Variants in PCED1A observed in about 807,000 individuals in gnomAD.
The protein encoded by PCED1A is PC-esterase domain-containing protein 1A.
Under a neutral mutation model 41.9 loss-of-function variants are expected in PCED1A, and 20 were observed. The observed-to-expected ratio is 0.48, with a 90% confidence interval of 0.34 to 0.69. PCED1A has a LOEUF of 0.69. Among genes scored for constraint, PCED1A ranks in the 30% least tolerant of loss-of-function variants. PCED1A has a pLI of 0.01. For missense variants in PCED1A, 498 were observed against 602.1 expected, an observed-to-expected ratio of 0.83 and a Z score of 1.81; for synonymous variants, 236 against 241.3, an observed-to-expected ratio of 0.98 and a Z score of 0.20.
chr20:2,838,359 T>A lies in PCED1A; in HGVS notation c.714A>T (p.Ala238=), dbSNP rs536108332. ...CACCATCCCGATGACGGTGCTGTACTGCATGCCGGAAGTGAAAGTGGAGGT... is the reference window on the plus strand; with the variant it reads ...CACCATCCCGATGACGGTGCTGTACAGCATGCCGGAAGTGAAAGTGGAGGT... ...VLDLHFHFRH[A]VQHRHRDGVH... is the part of the protein sequence containing the mutation. Residue 238 remains alanine (A), a synonymous_variant, in exon 6 of 8, where the codon GCA becomes GCT. Transcript: ENST00000360652. This position sits in a 1 kb window ranked among gnomAD's most constrained non-coding sequence, Gnocchi z 5.8. The A allele has an allele frequency of 2.5e-6, 4 of 1,614,250 alleles. No homozygotes were observed. The South Asian group carries it at 4.4e-5, about 18-fold the overall frequency.
At chr20:2,839,295 G>A in intron 2 of PCED1A, 24 bp from the exon 3 acceptor site, 2 of 1,610,426 alleles carry the variant, frequency 1.2e-6, no homozygotes, top group Non-Finnish European at 1.7e-6. Context: ...GAGATCCCAA[G>A]GCTGAGGCAG....
At position 2,839,637 on chromosome 20, in the gene PCED1A, G is replaced by A. The variant is rs1419977921; in HGVS notation, c.124+152C>T. 5.2e-6 allele frequency: 6 copies of A among 1,151,106 alleles called. No homozygotes were observed. The Admixed American group carries it at 1.0e-4, about 19-fold the overall frequency. The allele number at this position is 1,151,106 out of a possible 1,614,324, so 71.3% of individuals were successfully genotyped here. A position where few individuals can be genotyped will look rare whatever the true frequency, so the allele number is the denominator to read the frequency against. On this transcript the variant is annotated intron_variant, in intron 2 of 7. Transcript: ENST00000360652. ...TTATTACACCTGTCAGGACTCCTGT[G>A]GAAGATGTGTGGGACATAAAAAGAG...
At position 2,838,983 on chromosome 20, in the gene PCED1A, C is replaced by A. The variant is rs760216654; in HGVS notation, c.304G>T (p.Gly102Cys). 1 of 1,613,944 alleles carries A rather than the reference C, an allele frequency of 6.2e-7. No individual in the cohort carries two copies. The change falls in exon 4 of 8, where the codon GGC (glycine) becomes TGC (cysteine). Residue 102 changes from glycine (G) to cysteine (C), a missense_variant. This residue lies in a region of PCED1A where 253 missense variants were observed against 369.7 expected (regional missense o/e 0.68). Coordinates refer to ENST00000360652, the MANE Select transcript of PCED1A (RefSeq NM_022760.6). This position sits in a 1 kb window ranked among gnomAD's most constrained non-coding sequence, Gnocchi z 5.8. ...AAGCGCACAAGGTGGTGGCCAGAGC[C>A]CGAGCAGAACTGGCGGACCTCACGA... is the stretch of plus-strand genomic sequence containing the variant. ...QYREVRQFCS[G>C]SGHHLVRFYF...
intron 6 of PCED1A, among the ~76,000 whole-genome samples, chr20:2,837,744 T>C (rs1037110835): frequency 6.6e-6 from 1 of 152,130 alleles, no homozygotes; most frequent in Non-Finnish European, 1.5e-5. Flanking sequence ...AAGAAGCCTA[T>C]GGAACACTGT....
In PCED1A at chr20:2,838,087, G is replaced by A. The variant is rs1396768521; in HGVS notation, c.841+145C>T. 2 of 1,164,420 alleles carry A rather than the reference G, an allele frequency of 1.7e-6. No homozygotes were observed. The highest frequency in any genetic ancestry group is 1.5e-5 in the African/African-American group (1 of 65,830). The allele number at this position is 1,164,420 out of a possible 1,614,324, so 72.1% of individuals were successfully genotyped here. The stretch of plus-strand genomic sequence containing the variant: ...CTCCGATGATCTAACCCTCCTCAGG[G>A]GTTGAGGAAGGTGCATGCAGAAGCC... On this transcript the variant is annotated intron_variant, in intron 6 of 7. Transcript: ENST00000360652. The surrounding 1 kb of genome is among the most constrained non-coding windows in gnomAD (Gnocchi z 5.8).
chr20:2,839,590 G>A (rs1452339488), intron 2 of PCED1A, among the ~76,000 whole-genome samples, 199 bp downstream of exon 2: 2 of 152,200 alleles, frequency 1.3e-5, no homozygotes, highest in South Asian at 2.1e-4. Flanking sequence ...GCTGAGCAAG[G>A]ATGGGCTAAA....
In PCED1A at chr20:2,838,232, C is replaced by G; in HGVS notation, c.841G>C (p.Asp281His). The G allele has an allele frequency of 1.2e-6, 2 of 1,614,080 alleles. No individual in the cohort carries two copies. Among genetic ancestry groups the G allele is most frequent in the Non-Finnish European group, 1.7e-6 (2 of 1,180,012 alleles). The change falls in exon 6 of 8, where the codon GAC (aspartate) becomes CAC (histidine). Residue 281 changes from aspartate to histidine, a missense_variant and splice_region_variant. Physicochemically the swap from Asp to His is moderately conservative, Grantham distance 81 (BLOSUM62 -1). Around this residue, in one of 2 missense-constraint regions of PCED1A, gnomAD observed 245 missense variants for 232.4 expected, o/e 1.05. Transcript: ENST00000360652. The surrounding 1 kb of genome is among the most constrained non-coding windows in gnomAD (Gnocchi z 5.8). ...CCCCCCCACTTATGGTAGGGCTCAC[C>G]AGGGGGATAGCCACGCTTGGGCAGC... ...VELPKRGYPPDPWIEDWAEMN... is the reference protein window; with the variant it reads ...VELPKRGYPPHPWIEDWAEMN...
At position 2,839,093 on chromosome 20, in the gene PCED1A, C is replaced by G. The variant is rs759165162; in HGVS notation, c.205-11G>C. The G allele has an allele frequency of 6.4e-7, 1 of 1,552,122 alleles. No individual in the cohort carries two copies. The highest frequency in any genetic ancestry group is 1.7e-5 in the Admixed American group (1 of 58,864). Reference sequence around the variant, plus strand: ...AAAGCTCAGCTCCCCCTACCCACCCCCCCCACCCTACTGGTCAGACCCATG... The same window carrying G: ...AAAGCTCAGCTCCCCCTACCCACCCGCCCCACCCTACTGGTCAGACCCATG... On this transcript the variant is annotated splice_polypyrimidine_tract_variant and intron_variant, in intron 3 of 7. Coordinates refer to ENST00000360652, the MANE Select transcript of PCED1A (RefSeq NM_022760.6).
Position 2,836,100 on chromosome 20 carries a change from GA to G in PCED1A, c.1055del (p.Phe352SerfsTer21). On this transcript the variant is annotated frameshift_variant, in exon 7 of 8. Coordinates refer to ENST00000360652, the MANE Select transcript of PCED1A (RefSeq NM_022760.6). LOFTEE classifies it high-confidence loss of function. ...QDTPFFPGQP[F>X]PPHEFFNYNP... ...TATAGTTGAAGAATTCATGGGGTGG[GA>G]AGGGCTGGCCTGGGAAAAAAGGGGT... The G allele has an allele frequency of 6.6e-7, 1 of 1,521,884 alleles. No homozygotes were observed. The highest frequency in any genetic ancestry group is 8.8e-7 in the Non-Finnish European group (1 of 1,131,454). The allele number at this position is 1,521,884 out of a possible 1,614,324, so 94.3% of individuals were successfully genotyped here. A position where few individuals can be genotyped will look rare whatever the true frequency, so the allele number is the denominator to read the frequency against.
rs1218364989 is a variant in PCED1A at position 2,838,221 on chromosome 20, G to A, written c.841+11C>T. The A allele has an allele frequency of 6.2e-7, 1 of 1,613,902 alleles. No homozygotes were observed. The highest frequency in any genetic ancestry group is 1.7e-5 in the Admixed American group (1 of 60,026). On this transcript the variant is annotated intron_variant, in intron 6 of 7. Transcript: ENST00000360652. This position sits in a 1 kb window ranked among gnomAD's most constrained non-coding sequence, Gnocchi z 5.8. The stretch of plus-strand genomic sequence containing the variant: ...GTGCATCACTACCCCCCCACTTATG[G>A]TAGGGCTCACCAGGGGGATAGCCAC...
rs1162852513 is a variant in PCED1A at position 2,840,238 on chromosome 20, C to T, written c.-49G>A. The T allele has an allele frequency of 1.1e-5, 3 of 262,526 alleles. No homozygotes were observed. The highest frequency in any genetic ancestry group is 2.3e-5 in the African/African-American group (1 of 44,262). 16.3% of individuals were successfully genotyped at this position (262,526 alleles called of 1,614,324 possible). A position where few individuals can be genotyped will look rare whatever the true frequency, so the allele number is the denominator to read the frequency against. On this transcript the variant is annotated 5_prime_UTR_variant, in exon 1 of 8. Transcript: ENST00000360652. ...AGTCCCGGGGCTCCGCGGTGTTCAC[C>T]CGCGACCCGGGTATGCCTGCGCACC...
In PCED1A at chr20:2,838,881, G is replaced by A. The variant is rs1287045157; in HGVS notation, c.406C>T (p.Leu136=). 6.2e-7 allele frequency: 1 copy of A among 1,614,162 alleles called. No homozygotes were observed. The highest frequency in any genetic ancestry group is 8.5e-7 in the Non-Finnish European group (1 of 1,180,036). ...EELTYGPAPD[L]VIINSCLWDL... ...CAGAGGCAGGAGTTGATGATCACCA[G>A]GTCCGGGGCAGGTCCATATGTCAGC... Residue 136 remains leucine, a synonymous_variant, in exon 4 of 8, where the codon CTG becomes TTG. Coordinates refer to ENST00000360652, the MANE Select transcript of PCED1A (RefSeq NM_022760.6). This position sits in a 1 kb window ranked among gnomAD's most constrained non-coding sequence, Gnocchi z 5.8.
chr20:2,839,814 C>T lies in PCED1A; in HGVS notation c.99G>A (p.Lys33=), dbSNP rs200166641. Residue 33 remains lysine, a synonymous_variant, in exon 2 of 8, where the codon AAG becomes AAA. Transcript: ENST00000360652. ...ASEVQQLLHN[K]FVVILGDSIQ... ...TGGAGTCCCCCAAGATGACCACGAA[C>T]TTGTTGTGTAGCAGCTGCTGGACTT... 93 of 1,614,102 alleles carry T rather than the reference C, an allele frequency of 5.8e-5. No homozygotes were observed. Among genetic ancestry groups the T allele is most frequent in the Non-Finnish European group, 7.4e-5 (87 of 1,180,042 alleles).
In PCED1A at chr20:2,838,201, T is replaced by C; in HGVS notation, c.841+31A>G. 6.2e-7 allele frequency: 1 copy of C among 1,613,086 alleles called. No individual in the cohort carries two copies. Among genetic ancestry groups the C allele is most frequent in the African/African-American group, 1.3e-5 (1 of 74,974 alleles). On this transcript the variant is annotated intron_variant, in intron 6 of 7. Transcript: ENST00000360652. The surrounding 1 kb of genome is among the most constrained non-coding windows in gnomAD (Gnocchi z 5.8). ...CCTGTCCTCTGAGGGCCCCAGTGCA[T>C]CACTACCCCCCCACTTATGGTAGGG...
At chr20:2,841,131 C>CT, upstream of PCED1A, 1 of 460,818 alleles carries the variant, frequency 2.2e-6, no homozygotes, top group East Asian at 4.3e-5. Flanking sequence ...AGTGCCCAGT[C>CT]TCCTGCCGGA....
chr20:2,837,208 A>G (rs2088849470), intron 6 of PCED1A, among the ~76,000 whole-genome samples: 1 of 152,168 alleles, frequency 6.6e-6, no homozygotes. Flanking sequence ...TCTAAACAAG[A>G]AAATGGGGAT....
chr20:2,837,133 A>G (rs2088848483), intron 6 of PCED1A, among the ~76,000 whole-genome samples: 1 of 152,248 alleles, frequency 6.6e-6, no homozygotes, highest in Non-Finnish European at 1.5e-5. Context: ...CAAAGGCCTA[A>G]GCCATCAAAA....
Position 2,839,938 on chromosome 20 carries a change from A to G in PCED1A, c.-21-5T>C, listed in dbSNP as rs1599957391. The G allele has an allele frequency of 6.2e-7, 1 of 1,606,040 alleles. No individual in the cohort carries two copies. The highest frequency in any genetic ancestry group is 1.1e-5 in the South Asian group (1 of 90,578). Reference sequence around the variant, plus strand: ...GCCGCCACCAGCAACGACAGGCTGCAGGGAGAGGCCACTAAGCAGCGCGAT... The same window carrying G: ...GCCGCCACCAGCAACGACAGGCTGCGGGGAGAGGCCACTAAGCAGCGCGAT... On this transcript the variant is annotated splice_polypyrimidine_tract_variant and splice_region_variant and intron_variant, in intron 1 of 7. Coordinates refer to ENST00000360652, the MANE Select transcript of PCED1A (RefSeq NM_022760.6).
chr20:2,840,789 G>A, upstream of PCED1A: 2 of 1,548,380 alleles, frequency 1.3e-6, no homozygotes, highest in Non-Finnish European at 1.7e-6. Context: ...ACTGCTACAC[G>A]GCGAACTGGA....
Sources: allele counts gnomAD v4.1 joint callset (sites outside exome capture counted in the v4.1 genomes callset), GRCh38; gene constraint gnomAD v4.1.1; regional missense constraint gnomAD v4.1.1; non-coding constraint Gnocchi (gnomAD v3.1); transcripts MANE v1.5; gene names NCBI Gene and HGNC (gene_info 2026-07-23, HGNC 2026-07-21).